DCSTAMP: variants seen among roughly 807,000 people sequenced by gnomAD.
DCSTAMP encodes the protein dendritic cell-specific transmembrane protein.
DCSTAMP carries 25 observed loss-of-function variants against 33.8 expected under a neutral mutation model. That is an observed-to-expected ratio of 0.74 (90% CI 0.54 to 1.03). The LOEUF is 1.03. DCSTAMP is among the 50% of genes least tolerant of loss of function. DCSTAMP has a pLI of 0.00. For missense variants in DCSTAMP, 531 were observed against 556.8 expected (o/e 0.95, Z 0.47); for synonymous variants, 245 against 216.7 (o/e 1.13, Z -1.15).
At chr8:104,353,141 G>A (rs1451742881) in intron 2 of DCSTAMP, among the ~76,000 whole-genome samples, 1 of 152,182 alleles carries the variant, frequency 6.6e-6, no homozygotes. Flanking sequence ...CTACTTATTG[G>A]GCACCTACTA....
intron 1 of DCSTAMP, chr8:104,340,248 C>T (rs1262327632): frequency 6.6e-6 from 1 of 152,174 alleles, no homozygotes; most frequent in Non-Finnish European, 1.5e-5. Context: ...ATTCTGTTTA[C>T]CTAGTAGCGT....
intron 1 of DCSTAMP, among the ~76,000 whole-genome samples, chr8:104,343,960 G>A (rs1296882013): frequency 4.7e-4 from 72 of 152,198 alleles, no homozygotes; most frequent in Non-Finnish European, 7.3e-5. Flanking sequence ...TGGCAGCACT[G>A]GCAGATGACA....
chr8:104,347,912 G>C (rs1012020600), intron 1 of DCSTAMP, among the ~76,000 whole-genome samples: 1 of 152,140 alleles, frequency 6.6e-6, no homozygotes, highest in African/African-American at 2.4e-5. Flanking sequence ...TATTCACAAG[G>C]GCTCTTATAA....
chr8:104,348,676 A>G lies in DCSTAMP; in HGVS notation c.124A>G (p.Ile42Val), dbSNP rs201921514. 3 of 1,614,060 alleles carry G rather than the reference A, an allele frequency of 1.9e-6. No homozygotes were observed. ...HLGVCCLVAL[I>V]SVGLLSVAAC... ...GGGAGTTTGCTGTTTGGTTGCTCTT[A>G]TTTCAGTGGGCCTCCTGTCTGTGGC... The change falls in exon 2 of 4, where the codon ATT (isoleucine) becomes GTT (valine). Residue 42 changes from isoleucine (I) to valine (V), a missense_variant. Ile to Val is a conservative substitution (Grantham distance 29, BLOSUM62 3). Transcript: ENST00000297581.
intron 1 of DCSTAMP, among the ~76,000 whole-genome samples, chr8:104,348,143 G>A (rs1043762916): frequency 6.6e-6 from 1 of 152,220 alleles, no homozygotes; most frequent in Non-Finnish European, 1.5e-5. Flanking sequence ...CTCCAGAACT[G>A]TGAGAGAATA....
At chr8:104,344,789 C>T (rs1411130640) in intron 1 of DCSTAMP, among the ~76,000 whole-genome samples, 1 of 152,026 alleles carries the variant, frequency 6.6e-6, no homozygotes, top group East Asian at 1.9e-4. Flanking sequence ...TACTGATTTG[C>T]CTAAGAGGAA....
At chr8:104,352,490 TC>T (rs1810487558) in intron 2 of DCSTAMP, among the ~76,000 whole-genome samples, 1 of 152,026 alleles carries the variant, frequency 6.6e-6, no homozygotes, top group Non-Finnish European at 1.5e-5. Flanking sequence ...TTTCTTGTCT[TC>T]CCCCCTCAAT....
intron 1 of DCSTAMP, among the ~76,000 whole-genome samples, chr8:104,341,219 C>T (rs1237712648): frequency 1.3e-5 from 2 of 152,206 alleles, no homozygotes; most frequent in Non-Finnish European, 2.9e-5. Context: ...AGCTTCAATA[C>T]CCCTCCAGTC....
chr8:104,346,441 A>G (rs754053591), intron 1 of DCSTAMP, among the ~76,000 whole-genome samples: 2 of 152,218 alleles, frequency 1.3e-5, no homozygotes, highest in Non-Finnish European at 2.9e-5. Context: ...ACAGGGGCCT[A>G]TGGTAAGGCC....
At position 104,356,183 on chromosome 8, in the gene DCSTAMP, T is replaced by C. The variant is rs1481310707; in HGVS notation, c.1398T>C (p.Ser466=). 3 of 1,612,704 alleles carry C rather than the reference T, an allele frequency of 1.9e-6. No homozygotes were observed. The highest frequency in any genetic ancestry group is 1.3e-5 in the African/African-American group (1 of 74,934). The part of the protein sequence containing the change: ...MIRKKQMDMA[S]ADKS ...GGAAGAAGCAAATGGACATGGCAAG[T>C]GCAGACAAGTCATGAGAGACCCCGA... Residue 466 remains serine (S), a synonymous_variant, in exon 4 of 4, where the codon AGT becomes AGC. Transcript: ENST00000297581.
At chr8:104,354,725 C>A (rs926369437) in intron 2 of DCSTAMP, 152 bp from the exon 3 acceptor site, 29 of 595,988 alleles carry the variant, frequency 4.9e-5, no homozygotes, top group African/African-American at 1.5e-4. Context: ...TTGCTCCAAT[C>A]ATAACACACA....
At chr8:104,348,406 T>C in intron 1 of DCSTAMP, 135 bp from the exon 2 acceptor site, 1 of 840,900 alleles carries the variant, frequency 1.2e-6, no homozygotes, top group Non-Finnish European at 1.8e-6. Context: ...TAAAGTCATA[T>C]TTCAAGGGAG....
rs190999185 is a variant in DCSTAMP, at chr8:104,349,233, T to C, written c.681T>C (p.Thr227=). The part of the protein sequence containing the change: ...FAGLSLVLLG[T]GLFMKRFLGP... ...GGCTTTCGCTCGTCCTGCTTGGCACTGGCCTCTTCATGAAGCGATTTTTGG... is the reference window on the plus strand; with the variant it reads ...GGCTTTCGCTCGTCCTGCTTGGCACCGGCCTCTTCATGAAGCGATTTTTGG... The change falls in exon 2 of 4, where the codon ACT becomes ACC. Residue 227 remains threonine, a synonymous_variant. Coordinates refer to ENST00000297581, the MANE Select transcript of DCSTAMP (RefSeq NM_030788.4). The C allele has an allele frequency of 1.1e-4, 181 of 1,614,218 alleles. No homozygotes were observed. The East Asian group carries it at 3.6e-3, about 32-fold the overall frequency.
chr8:104,348,246 C>T (rs577263738), intron 1 of DCSTAMP, among the ~76,000 whole-genome samples: 11 of 152,288 alleles, frequency 7.2e-5, no homozygotes, highest in African/African-American at 1.7e-4. Context: ...AGCAGGGTTC[C>T]GTGAGAGCAC....
intron 1 of DCSTAMP, among the ~76,000 whole-genome samples, chr8:104,343,981 A>G (rs184960010): frequency 1.6e-4 from 25 of 152,366 alleles, no homozygotes; most frequent in African/African-American, 6.0e-4. Context: ...ACAGGTACAT[A>G]GGAAATTTTA....
Position 104,348,698 on chromosome 8 carries a change from T to C in DCSTAMP, c.146T>C (p.Val49Ala). The change falls in exon 2 of 4, where the codon GTG becomes GCG. Residue 49 changes from valine to alanine, a missense_variant. Physicochemically the swap from Val to Ala is moderately conservative, Grantham distance 64. Coordinates refer to ENST00000297581, the MANE Select transcript of DCSTAMP (RefSeq NM_030788.4). ...VALISVGLLSVAACWFLPSII... is the reference protein window; with the variant it reads ...VALISVGLLSAAACWFLPSII... ...CTTATTTCAGTGGGCCTCCTGTCTG[T>C]GGCCGCCTGCTGGTTTCTGCCATCA... is the stretch of plus-strand genomic sequence containing the variant. 1 of 1,614,198 alleles carries C rather than the reference T, an allele frequency of 6.2e-7. No homozygotes were observed. The highest frequency in any genetic ancestry group is 8.5e-7 in the Non-Finnish European group (1 of 1,180,028).
At chr8:104,352,303 C>T (rs1386271785) in intron 2 of DCSTAMP, among the ~76,000 whole-genome samples, 18 of 152,198 alleles carry the variant, frequency 1.2e-4, no homozygotes, top group Admixed American at 1.2e-3. Flanking sequence ...TCTGAGTCCC[C>T]TGAAGAATCC....
At chr8:104,349,865 G>C (rs1015509976) in intron 2 of DCSTAMP, among the ~76,000 whole-genome samples, 1 of 152,158 alleles carries the variant, frequency 6.6e-6, no homozygotes, top group Non-Finnish European at 1.5e-5. Flanking sequence ...GGATAGTTCT[G>C]GGGGGAGAAG....
chr8:104,344,835 G>A (rs1338061888), intron 1 of DCSTAMP, among the ~76,000 whole-genome samples: 1 of 152,212 alleles, frequency 6.6e-6, no homozygotes, highest in East Asian at 1.9e-4. Context: ...CAGCAGAATG[G>A]CTGCACCTCC....
Sources: gnomAD v4.1 joint callset for allele counts (sites outside exome capture counted in the v4.1 genomes callset) on GRCh38, gnomAD v4.1.1 for gene constraint, MANE v1.5 for transcripts, NCBI Gene and HGNC (gene_info 2026-07-23, HGNC 2026-07-21) for gene names.